PEX7: variants seen among roughly 807,000 people sequenced by gnomAD.
PEX7 encodes PTS2 receptor.
Under a neutral mutation model 47.5 loss-of-function variants are expected in PEX7, and 34 were observed. The observed-to-expected ratio is 0.72, with a 90% CI of 0.54 to 0.95. The LOEUF (loss-of-function observed/expected upper bound fraction) is 0.95, where lower values mean the gene tolerates loss of function less well. Ranked by LOEUF, PEX7 falls within the 40% of genes least tolerant of loss-of-function variation. PEX7 has a pLI of 0.00. For synonymous variants in PEX7, 141 were observed against 148.8 expected (o/e 0.95, Z 0.38); for missense variants, 394 against 400.3 (o/e 0.98, Z 0.13).
rs544739974 is a variant in PEX7, at chr6:136,900,054, ACTAGAAC to A, written c.903+1816_903+1822del. 4.9e-3 allele frequency among the ~76,000 whole-genome samples: 753 copies of A among 152,396 alleles called. 6 individuals carry two copies. Among genetic ancestry groups the A allele is most frequent in the African/African-American group, 0.017 (724 of 41,602 alleles). On this transcript the variant is annotated intron_variant, in intron 9 of 9. Transcript: ENST00000318471. The surrounding 1 kb of genome is among the most constrained non-coding windows in gnomAD (Gnocchi z 4.2). ...TATTACCTGTCCTCTGTGAGCCCAGACTAGAACCTGTGGCAGCAGCTGCAGCGCCTCC... is the reference window on the plus strand; with the variant it reads ...TATTACCTGTCCTCTGTGAGCCCAGACTGTGGCAGCAGCTGCAGCGCCTCC...
chr6:136,891,998 A>C (rs1215920679), intron 8 of PEX7, among the ~76,000 whole-genome samples: 2 of 152,144 alleles, frequency 1.3e-5, no homozygotes, highest in Non-Finnish European at 2.9e-5. Flanking sequence ...CATGTGTTCT[A>C]TAGGGGGTTC....
chr6:136,867,329 A>G (rs1432965414), intron 6 of PEX7, among the ~76,000 whole-genome samples: 1 of 152,164 alleles, frequency 6.6e-6, no homozygotes, highest in Non-Finnish European at 1.5e-5. Flanking sequence ...GACAGATTGC[A>G]TATGTGACAG....
chr6:136,845,466 C>G, intron 3 of PEX7, 149 bp from the exon 4 acceptor site: 2 of 697,078 alleles, frequency 2.9e-6, no homozygotes, highest in South Asian at 3.0e-5. Context: ...TTTCATTTCT[C>G]AGACACCTTG....
intron 5 of PEX7, among the ~76,000 whole-genome samples, chr6:136,855,044 C>T (rs1774833714): frequency 1.3e-5 from 2 of 151,236 alleles, no homozygotes. Flanking sequence ...GCCGAGATAG[C>T]GCCACCGTAC....
intron 8 of PEX7, among the ~76,000 whole-genome samples, chr6:136,873,571 G>A (rs1489637713): frequency 6.6e-6 from 1 of 151,978 alleles, no homozygotes; most frequent in Admixed American, 6.6e-5. Flanking sequence ...CTTATCACCT[G>A]CAAATAAAGG....
At chr6:136,835,319 T>C (rs992139039) in intron 3 of PEX7, among the ~76,000 whole-genome samples, 1 of 149,972 alleles carries the variant, frequency 6.7e-6, no homozygotes, top group African/African-American at 2.5e-5. Context: ...GACAAAGTCT[T>C]CCTGTCTTGC....
At chr6:136,909,952 G>A (rs968483866) in intron 9 of PEX7, among the ~76,000 whole-genome samples, 1 of 152,074 alleles carries the variant, frequency 6.6e-6, no homozygotes, top group Non-Finnish European at 1.5e-5. Flanking sequence ...CATGTGGGAA[G>A]GCCCAGCACT....
chr6:136,840,282 C>G (rs1582741380), intron 3 of PEX7, among the ~76,000 whole-genome samples: 1 of 152,202 alleles, frequency 6.6e-6, no homozygotes, highest in Non-Finnish European at 1.5e-5. Flanking sequence ...CCTGCTTACC[C>G]TTTCTAGTCT....
At chr6:136,852,930 C>T (rs551132154) in intron 5 of PEX7, among the ~76,000 whole-genome samples, 20 of 122,422 alleles carry the variant, frequency 1.6e-4, no homozygotes, top group African/African-American at 3.2e-4. Context: ...GCTACAGTAA[C>T]CAAAACAGCA....
intron 9 of PEX7, among the ~76,000 whole-genome samples, chr6:136,902,065 G>T (rs1775761937): frequency 6.6e-6 from 1 of 152,186 alleles, no homozygotes; most frequent in Non-Finnish European, 1.5e-5. Context: ...GATTACAGGC[G>T]TGAGCCACTG....
chr6:136,848,885 T>G (rs966723526), intron 5 of PEX7, among the ~76,000 whole-genome samples: 9 of 152,218 alleles, frequency 5.9e-5, no homozygotes, highest in Non-Finnish European at 1.2e-4. Flanking sequence ...TAAGGAGGAT[T>G]CCGTCTTGTT....
chr6:136,827,504 TTGTGTGTGTGTGTG>T (rs5880309), intron 3 of PEX7, among the ~76,000 whole-genome samples: 3,941 of 140,986 alleles, frequency 0.028, 71 homozygotes, highest in Non-Finnish European at 0.031. Flanking sequence ...CTGTGTGAAT[TTGTGTGTGTGTGTG>T]TGTGTGTGTG....
chr6:136,836,848 G>C (rs1774394136), intron 3 of PEX7, among the ~76,000 whole-genome samples: 1 of 152,084 alleles, frequency 6.6e-6, no homozygotes, highest in East Asian at 1.9e-4. Context: ...GGCTACTTAG[G>C]AGGCTGAGGC....
At chr6:136,885,969 A>T (rs190031660) in intron 8 of PEX7, among the ~76,000 whole-genome samples, 17 of 152,290 alleles carry the variant, frequency 1.1e-4, no homozygotes, top group African/African-American at 4.1e-4. Flanking sequence ...TGGTTAGAAG[A>T]GCTAATATAC....
intron 8 of PEX7, among the ~76,000 whole-genome samples, chr6:136,877,234 A>C (rs1358068396): frequency 6.6e-6 from 1 of 151,784 alleles, no homozygotes; most frequent in Non-Finnish European, 1.5e-5. Context: ...AGATGGATAG[A>C]TTGCAAAAAT....
chr6:136,889,639 T>C (rs966819842), intron 8 of PEX7, among the ~76,000 whole-genome samples: 7 of 152,208 alleles, frequency 4.6e-5, no homozygotes, highest in African/African-American at 1.7e-4. Context: ...ACTGAGTAGA[T>C]TTTGTTGCAT....
At chr6:136,877,877 C>G (rs1199751509) in intron 8 of PEX7, among the ~76,000 whole-genome samples, 1 of 152,106 alleles carries the variant, frequency 6.6e-6, no homozygotes, top group African/African-American at 2.4e-5. Flanking sequence ...AGCATTGAAT[C>G]TATAAATTAC....
Position 136,830,041 on chromosome 6 carries a change from G to T in PEX7, c.339+3572G>T, listed in dbSNP as rs80259009. The T allele has an allele frequency of 2.7e-3, 1,953 of 715,388 alleles. 37 individuals carry two copies. In the East Asian group the frequency reaches 0.028, roughly 10 times the overall value. 44.3% of individuals were successfully genotyped at this position (715,388 alleles called of 1,614,324 possible). On this transcript the variant is annotated intron_variant, in intron 3 of 9. Coordinates refer to ENST00000318471, the MANE Select transcript of PEX7 (RefSeq NM_000288.4). ...GGAAGCTGTGTTGTGAAATAGAAGA[G>T]CAACTAATGGGTCATTTTCTTCTGT...
At chr6:136,881,904 G>A (rs1582767861) in intron 8 of PEX7, among the ~76,000 whole-genome samples, 4 of 152,306 alleles carry the variant, frequency 2.6e-5, no homozygotes, top group African/African-American at 9.6e-5. Context: ...GATCAAAGGT[G>A]TTGTAGCTAT....
Sources: allele counts gnomAD v4.1 joint callset (sites outside exome capture counted in the v4.1 genomes callset), GRCh38; gene constraint gnomAD v4.1.1; non-coding constraint Gnocchi (gnomAD v3.1); transcripts MANE v1.5; gene names NCBI Gene and HGNC (gene_info 2026-07-23, HGNC 2026-07-21).